Variants in RBFOX3 observed in about 807,000 individuals in gnomAD.
RBFOX3 encodes RNA binding fox-1 homolog 3, also known as RNA binding protein fox-1 homolog 3.
RBFOX3 carries 17 observed loss-of-function variants against 48.7 expected under a neutral mutation model. The observed-to-expected ratio is 0.35, with a 90% CI of 0.24 to 0.52. RBFOX3 has a LOEUF of 0.52. RBFOX3 is among the 20% of genes least tolerant of loss of function. The pLI is 0.94. For missense variants in RBFOX3, 382 were observed against 497.5 expected, an observed-to-expected ratio of 0.77 and a Z score of 2.21; for synonymous variants, 212 against 209.5, an observed-to-expected ratio of 1.01 and a Z score of -0.10.
intron 1 of RBFOX3, among the ~76,000 whole-genome samples, chr17:79,537,910 C>G (rs908209932): frequency 4.6e-5 from 7 of 152,134 alleles, no homozygotes; most frequent in Non-Finnish European, 2.9e-5. Flanking sequence ...GATGAACACA[C>G]CTGGAGGCCC....
chr17:79,095,499 G>A lies in RBFOX3; in HGVS notation c.998+14C>T, dbSNP rs1344499394. ...CCCACCCTGCTCCAGAACAGTGCTGGCCCCCGGCCTCACCTGTCGCTGTAG... is the reference window on the plus strand; with the variant it reads ...CCCACCCTGCTCCAGAACAGTGCTGACCCCCGGCCTCACCTGTCGCTGTAG... On this transcript the variant is annotated intron_variant, in intron 13 of 14. Transcript: ENST00000693108. 1.9e-6 allele frequency: 3 copies of A among 1,550,198 alleles called. No homozygotes were observed. Among genetic ancestry groups the A allele is most frequent in the Middle Eastern group, 1.7e-4 (1 of 5,984 alleles).
rs919172605 is a variant in RBFOX3, at chr17:79,249,606, C to T, written c.-73-13801G>A. On this transcript the variant is annotated intron_variant, in intron 3 of 14. Transcript: ENST00000693108. This position sits in a 1 kb window ranked among gnomAD's most constrained non-coding sequence, Gnocchi z 4.1. ...GTCCTAATCACCCCAGAGCCAGGTA[C>T]AGACAATCAGATCCAGCCCCATAGC... Among the ~76,000 whole-genome samples the T allele has an allele frequency of 1.3e-5, 2 of 152,132 alleles. No homozygotes were observed. The highest frequency in any genetic ancestry group is 4.8e-5 in the African/African-American group (2 of 41,410).
At chr17:79,367,228 T>G (rs1479850233) in intron 2 of RBFOX3, among the ~76,000 whole-genome samples, 1 of 122,632 alleles carries the variant, frequency 8.2e-6, no homozygotes, top group Non-Finnish European at 1.7e-5. Context: ...CTCTCCCTCC[T>G]CCCCTCCCCT....
At chr17:79,630,924 A>G in the RBFOX3 span, among the ~76,000 whole-genome samples, 1 of 152,174 alleles carries the variant, frequency 6.6e-6, no homozygotes, top group Admixed American at 6.5e-5. Flanking sequence ...AGAGCAAGCA[A>G]CCCGGAAAAG....
rs909596643 is a variant in RBFOX3, at chr17:79,212,331, A to G, written c.-34+23435T>C. 2.0e-5 allele frequency among the ~76,000 whole-genome samples: 3 copies of G among 151,724 alleles called. No homozygotes were observed. Among genetic ancestry groups the G allele is most frequent in the African/African-American group, 4.8e-5 (2 of 41,282 alleles). On this transcript the variant is annotated intron_variant, in intron 4 of 14. Coordinates refer to ENST00000693108, the MANE Select transcript of RBFOX3 (RefSeq NM_001350451.2). The surrounding 1 kb of genome is among the most constrained non-coding windows in gnomAD (Gnocchi z 4.7). ...ACTCCTTTCTCCTCCTCCCCTCCCCATTTGCCTGGGAGGAAGGAAGGGGCC... is the reference window on the plus strand; with the variant it reads ...ACTCCTTTCTCCTCCTCCCCTCCCCGTTTGCCTGGGAGGAAGGAAGGGGCC...
At chr17:79,146,371 C>T (rs2043038512) in intron 4 of RBFOX3, among the ~76,000 whole-genome samples, 1 of 152,204 alleles carries the variant, frequency 6.6e-6, no homozygotes, top group African/African-American at 2.4e-5. Context: ...TCCCCAGGGG[C>T]CGGCAGGCCC....
intron 3 of RBFOX3, among the ~76,000 whole-genome samples, chr17:79,269,426 G>A (rs998449095): frequency 3.3e-5 from 5 of 152,120 alleles, no homozygotes; most frequent in Non-Finnish European, 7.4e-5. Flanking sequence ...TCACTGTCCA[G>A]GACTCCTCGC....
intron 4 of RBFOX3, among the ~76,000 whole-genome samples, chr17:79,172,204 A>T (rs2049479266): frequency 6.6e-6 from 1 of 151,864 alleles, no homozygotes; most frequent in Non-Finnish European, 1.5e-5. Flanking sequence ...AGAGAAAAAG[A>T]AAAAAACGCC....
At chr17:79,250,114 A>G (rs2063720247) in intron 3 of RBFOX3, among the ~76,000 whole-genome samples, 1 of 152,166 alleles carries the variant, frequency 6.6e-6, no homozygotes, top group Non-Finnish European at 1.5e-5. Context: ...AAAGACTATT[A>G]CTGCTCAGCA....
intron 1 of RBFOX3, among the ~76,000 whole-genome samples, chr17:79,505,986 A>G (rs894221520): frequency 2.6e-4 from 39 of 152,346 alleles, no homozygotes; most frequent in African/African-American, 8.2e-4. Context: ...CTACAGGTGG[A>G]TTCAAGCCTG....
At chr17:79,622,589 G>A in the RBFOX3 span, among the ~76,000 whole-genome samples, 2 of 152,284 alleles carry the variant, frequency 1.3e-5, no homozygotes, top group Admixed American at 1.3e-4. Context: ...TTCCTTCGGA[G>A]GCCTCTCTCC....
the RBFOX3 span, among the ~76,000 whole-genome samples, chr17:79,620,143 A>G: frequency 0.035 from 2,439 of 70,274 alleles, 29 homozygotes; most frequent in East Asian, 0.16. Context: ...GCACACGCGC[A>G]CACACATGCA....
chr17:79,536,683 C>A (rs1319642272), intron 1 of RBFOX3, among the ~76,000 whole-genome samples: 1 of 152,156 alleles, frequency 6.6e-6, no homozygotes, highest in Non-Finnish European at 1.5e-5. Flanking sequence ...CAGAGTCCCA[C>A]ACTGTATCAT....
chr17:79,346,716 A>T (rs959909255), intron 2 of RBFOX3, among the ~76,000 whole-genome samples: 2 of 152,214 alleles, frequency 1.3e-5, no homozygotes, highest in African/African-American at 4.8e-5. Flanking sequence ...CTTCCTATTC[A>T]TTTATTAGAA....
intron 2 of RBFOX3, among the ~76,000 whole-genome samples, chr17:79,372,455 C>G (rs2058690573): frequency 6.6e-6 from 1 of 150,642 alleles, no homozygotes; most frequent in Non-Finnish European, 1.5e-5. Context: ...TTATGTCTCC[C>G]CCCTGGACTT....
intron 2 of RBFOX3, among the ~76,000 whole-genome samples, chr17:79,360,458 C>T (rs1216814905): frequency 6.6e-6 from 1 of 152,228 alleles, no homozygotes; most frequent in Non-Finnish European, 1.5e-5. Flanking sequence ...CCCCACCCGT[C>T]AGCTTCTGCA....
chr17:79,440,745 C>A (rs544099946), intron 2 of RBFOX3, among the ~76,000 whole-genome samples: 47 of 152,268 alleles, frequency 3.1e-4, no homozygotes, highest in African/African-American at 1.0e-3. Context: ...CCATACCCCC[C>A]TTCCCCATGG....
the RBFOX3 span, among the ~76,000 whole-genome samples, chr17:79,645,497 G>T: frequency 6.6e-6 from 1 of 152,106 alleles, no homozygotes; most frequent in African/African-American, 2.4e-5. Context: ...CACCTTCTAA[G>T]CGAGGCTTGC....
rs113513832 is a variant in RBFOX3, at chr17:79,477,558, GAAA to G, written c.-175+4893_-175+4895del. 6.8e-6 allele frequency among the ~76,000 whole-genome samples: 1 copy of G among 147,042 alleles called. No individual in the cohort carries two copies. On this transcript the variant is annotated intron_variant, in intron 2 of 14. Coordinates refer to ENST00000693108, the MANE Select transcript of RBFOX3 (RefSeq NM_001350451.2). This position sits in a 1 kb window ranked among gnomAD's most constrained non-coding sequence, Gnocchi z 4.8. ...GCGACAGAGCGAAACTCCGTCACCG[GAAA>G]AAAAAAAAGAGGAGGAGGAGTAGGA...
Sources: gnomAD v4.1 joint callset for allele counts (sites outside exome capture counted in the v4.1 genomes callset) on GRCh38, gnomAD v4.1.1 for gene constraint, Gnocchi (gnomAD v3.1) non-coding constraint, MANE v1.5 for transcripts, NCBI Gene and HGNC (gene_info 2026-07-23, HGNC 2026-07-21) for gene names.